GLIS3: variants seen among roughly 807,000 people sequenced by gnomAD.
GLIS3 encodes the protein GLIS family zinc finger 3.
Under a neutral mutation model 78.6 loss-of-function variants are expected in GLIS3, and 53 were observed. That is an observed-to-expected ratio of 0.67 (90% CI 0.54 to 0.85). GLIS3 has a LOEUF of 0.85. Ranked by LOEUF, GLIS3 falls within the 40% of genes least tolerant of loss-of-function variation. The pLI is 0.00. For synonymous variants in GLIS3, 684 were observed against 509.9 expected (o/e 1.34, Z -4.60); for missense variants, 1,703 against 1,231.1 (o/e 1.38, Z -5.74).
chr9:4,390,015 T>G, the GLIS3 span, among the ~76,000 whole-genome samples: 1 of 152,190 alleles, frequency 6.6e-6, no homozygotes, highest in Non-Finnish European at 1.5e-5. Context: ...CATCAACACT[T>G]CCTGAACAAA....
chr9:4,066,312 T>C (rs535883086), intron 4 of GLIS3, among the ~76,000 whole-genome samples: 26 of 152,238 alleles, frequency 1.7e-4, no homozygotes, highest in African/African-American at 5.5e-4. Context: ...TCCAGAAGCA[T>C]CCAGGCAGGG....
chr9:4,125,988 A>T, intron 2 of GLIS3, 47 bp from the exon 3 acceptor site: 1 of 1,392,480 alleles, frequency 7.2e-7, no homozygotes, highest in Middle Eastern at 1.8e-4. Flanking sequence ...TTACATCAGA[A>T]ATCAGTAAAT....
chr9:4,370,268 G>A, the GLIS3 span, among the ~76,000 whole-genome samples: 2 of 151,894 alleles, frequency 1.3e-5, no homozygotes, highest in Admixed American at 1.3e-4. Flanking sequence ...GGATCAGTGG[G>A]GCCCTCCCCT....
chr9:4,146,909 T>C (rs571579526), intron 2 of GLIS3, among the ~76,000 whole-genome samples: 15 of 152,336 alleles, frequency 9.8e-5, no homozygotes, highest in Admixed American at 8.5e-4. Context: ...AGTATTACGT[T>C]CGACTTTTAA....
chr9:4,388,819 TTAA>T, the GLIS3 span, among the ~76,000 whole-genome samples: 10 of 152,320 alleles, frequency 6.6e-5, no homozygotes, highest in South Asian at 1.4e-3. Flanking sequence ...AGTATTTGAA[TTAA>T]TAATAGCCAA....
intron 4 of GLIS3, among the ~76,000 whole-genome samples, chr9:4,036,655 A>C (rs965075962): frequency 6.6e-6 from 1 of 152,186 alleles, no homozygotes; most frequent in African/African-American, 2.4e-5. Flanking sequence ...TCACCTACTA[A>C]ATAGGTGCCC....
rs1262678826 is a variant in GLIS3, at chr9:3,825,739, G to T, written c.*2533C>A. On this transcript the variant is annotated 3_prime_UTR_variant, in exon 11 of 11. Transcript: ENST00000381971. ...ATCTAAGCATAGTGTGTGTAGTCTG[G>T]AAGGCATCTGAACGTGTCCTATCCT... The T allele has an allele frequency of 6.6e-6, 1 of 152,184 alleles. No homozygotes were observed. The highest frequency in any genetic ancestry group is 1.5e-5 in the Non-Finnish European group (1 of 68,068). 9.4% of individuals were successfully genotyped at this position (152,184 alleles called of 1,614,324 possible). A position where few individuals can be genotyped will look rare whatever the true frequency, so the allele number is the denominator to read the frequency against.
At chr9:3,858,208 A>G (rs1485714271) in intron 8 of GLIS3, among the ~76,000 whole-genome samples, 2 of 152,178 alleles carry the variant, frequency 1.3e-5, no homozygotes, top group South Asian at 2.1e-4. Context: ...TTCTTCTGGA[A>G]TATCTGCTAT....
At chr9:4,465,827 T>A in the GLIS3 span, among the ~76,000 whole-genome samples, 3 of 152,218 alleles carry the variant, frequency 2.0e-5, no homozygotes, top group Non-Finnish European at 4.4e-5. Context: ...GGTAGATTAG[T>A]GCTCCTGCTA....
chr9:4,255,848 A>C (rs7861253), intron 2 of GLIS3, among the ~76,000 whole-genome samples: 5,794 of 152,196 alleles, frequency 0.038, 376 homozygotes, highest in African/African-American at 0.13. Context: ...ACCCTAAGGT[A>C]AACTATGGAC....
rs561680844 is a variant in GLIS3 at position 3,952,408 on chromosome 9, G to T, written c.1711-15219C>A. 2.4e-4 allele frequency among the ~76,000 whole-genome samples: 36 copies of T among 152,176 alleles called. No homozygotes were observed. The South Asian group carries it at 5.8e-3, about 25-fold the overall frequency. ...TGGCACTCTCTGATGTCTGATCCCG[G>T]CCAGGCTCACACAATTTGCACCTTC... On this transcript the variant is annotated intron_variant, in intron 4 of 10. Coordinates refer to ENST00000381971, the MANE Select transcript of GLIS3 (RefSeq NM_001042413.2).
chr9:3,962,950 G>T (rs555214043), intron 4 of GLIS3, among the ~76,000 whole-genome samples: 24 of 150,502 alleles, frequency 1.6e-4, no homozygotes, highest in East Asian at 5.8e-4. Context: ...GATTTAAGGG[G>T]GGGGGGGGGA....
At chr9:3,880,193 TTCA>T (rs1294402863) in intron 7 of GLIS3, among the ~76,000 whole-genome samples, 3 of 152,132 alleles carry the variant, frequency 2.0e-5, no homozygotes, top group African/African-American at 7.2e-5. Context: ...ATACTTGGCC[TTCA>T]TCAAAGGAGT....
In GLIS3 at chr9:4,286,242, T is replaced by C; in HGVS notation, c.184A>G (p.Met62Val). 1 of 1,614,216 alleles carries C rather than the reference T, an allele frequency of 6.2e-7. No homozygotes were observed. The highest frequency in any genetic ancestry group is 1.1e-5 in the South Asian group (1 of 91,078). The change falls in exon 2 of 11, where the codon ATG (methionine) becomes GTG (valine). Residue 62 changes from methionine to valine, a missense_variant. Coordinates refer to ENST00000381971, the MANE Select transcript of GLIS3 (RefSeq NM_001042413.2). ...GGAGCCATCCCTCCTCCTGAGGGCA[T>C]CTTGAGATGGAGGTTGTTAGCAAGG... ...ASLANNLHLK[M>V]PSGGGMAPQN...
chr9:4,124,788 T>C (rs1411784982), intron 3 of GLIS3, among the ~76,000 whole-genome samples: 1 of 152,154 alleles, frequency 6.6e-6, no homozygotes, highest in Non-Finnish European at 1.5e-5. Flanking sequence ...CATAGCAGGT[T>C]ACAGATCCTA....
At chr9:3,881,946 A>G (rs1821756223) in intron 7 of GLIS3, among the ~76,000 whole-genome samples, 1 of 152,198 alleles carries the variant, frequency 6.6e-6, no homozygotes, top group Non-Finnish European at 1.5e-5. Flanking sequence ...CCACACTCAA[A>G]TGTATTATGA....
At chr9:4,349,402 ATTATT>A (rs1817934075), upstream of GLIS3, among the ~76,000 whole-genome samples, 1 of 152,250 alleles carries the variant, frequency 6.6e-6, no homozygotes. Flanking sequence ...ATTAACTGGA[ATTATT>A]TTATTTGTAT....
At chr9:4,449,007 G>C in the GLIS3 span, among the ~76,000 whole-genome samples, 14 of 152,292 alleles carry the variant, frequency 9.2e-5, no homozygotes, top group African/African-American at 3.1e-4. Flanking sequence ...AGCTGAAGCA[G>C]GGCAGGGTGT....
intron 2 of GLIS3, among the ~76,000 whole-genome samples, chr9:4,253,480 G>T (rs1351221941): frequency 6.6e-6 from 1 of 152,226 alleles, no homozygotes; most frequent in Non-Finnish European, 1.5e-5. Context: ...AGCATCCCAG[G>T]TTGACTTCAG....
Sources: allele counts gnomAD v4.1 joint callset (sites outside exome capture counted in the v4.1 genomes callset), GRCh38; gene constraint gnomAD v4.1.1; transcripts MANE v1.5; gene names NCBI Gene and HGNC (gene_info 2026-07-23, HGNC 2026-07-21).